Variants in PCDH9 observed in about 807,000 individuals in gnomAD.
The protein encoded by PCDH9 is protocadherin 9, also known as protocadherin-9.
A neutral mutation model predicts 70.6 loss-of-function variants in PCDH9; 24 were observed. The observed-to-expected ratio is 0.34, with a 90% confidence interval of 0.25 to 0.48. PCDH9 has a LOEUF of 0.48. Among genes scored for constraint, PCDH9 ranks in the 20% least tolerant of loss-of-function variants. PCDH9 has a pLI of 0.99. For missense variants in PCDH9, 1,281 were observed against 1,503.6 expected (o/e 0.85, Z 2.45); for synonymous variants, 562 against 558.5 (o/e 1.01, Z -0.09).
At chr13:66,496,181 T>C (rs1038865311) in intron 4 of PCDH9, among the ~76,000 whole-genome samples, 1 of 152,218 alleles carries the variant, frequency 6.6e-6, no homozygotes, top group African/African-American at 2.4e-5. Context: ...ATATAACTCT[T>C]CTTCTCCTAC....
intron 2 of PCDH9, among the ~76,000 whole-genome samples, chr13:66,949,201 T>A (rs1270301581): frequency 3.9e-5 from 6 of 152,114 alleles, no homozygotes; most frequent in Non-Finnish European, 8.8e-5. Context: ...GTATTTCCCT[T>A]TTAGGTGTGC....
intron 3 of PCDH9, among the ~76,000 whole-genome samples, chr13:66,665,350 G>A (rs564201867): frequency 2.0e-4 from 31 of 152,002 alleles, no homozygotes; most frequent in Admixed American, 4.6e-4. Flanking sequence ...CCACCGCCTC[G>A]GCCTCCCAAA....
intron 3 of PCDH9, among the ~76,000 whole-genome samples, chr13:66,804,639 G>C (rs2080383397): frequency 6.6e-6 from 1 of 152,148 alleles, no homozygotes. Context: ...TTAACTAATT[G>C]GAATTAGTCC....
At chr13:66,474,071 C>G (rs923900559) in intron 4 of PCDH9, among the ~76,000 whole-genome samples, 1 of 152,150 alleles carries the variant, frequency 6.6e-6, no homozygotes, top group Non-Finnish European at 1.5e-5. Context: ...GAAATTGACT[C>G]TGACAACAAA....
At chr13:66,637,832 T>G (rs1860111092) in intron 3 of PCDH9, among the ~76,000 whole-genome samples, 1 of 151,208 alleles carries the variant, frequency 6.6e-6, no homozygotes, top group Admixed American at 6.6e-5. Flanking sequence ...GAGAATGGCG[T>G]GAACCTGGGA....
intron 3 of PCDH9, among the ~76,000 whole-genome samples, chr13:66,644,066 T>C (rs1243130821): frequency 6.6e-6 from 1 of 151,956 alleles, no homozygotes; most frequent in East Asian, 1.9e-4. Context: ...ATCAGAAACA[T>C]ATTATTGTAT....
At chr13:66,328,507 G>T (rs1955884441) in intron 4 of PCDH9, among the ~76,000 whole-genome samples, 1 of 152,068 alleles carries the variant, frequency 6.6e-6, no homozygotes, top group African/African-American at 2.4e-5. Context: ...TTACAAGGTG[G>T]TATTATGATC....
intron 4 of PCDH9, among the ~76,000 whole-genome samples, chr13:66,366,678 C>T (rs1443000421): frequency 3.9e-5 from 6 of 152,026 alleles, no homozygotes; most frequent in Non-Finnish European, 8.8e-5. Flanking sequence ...AATAATTTCT[C>T]AGAGAGCATT....
At chr13:66,461,613 T>C (rs1314417860) in intron 4 of PCDH9, among the ~76,000 whole-genome samples, 2 of 151,626 alleles carry the variant, frequency 1.3e-5, no homozygotes, top group African/African-American at 2.4e-5. Flanking sequence ...GGAGATACCA[T>C]GACATTAAAG....
At chr13:66,394,105 A>G (rs1957065018) in intron 4 of PCDH9, among the ~76,000 whole-genome samples, 2 of 152,200 alleles carry the variant, frequency 1.3e-5, no homozygotes, top group African/African-American at 2.4e-5. Context: ...CAGGGGGTCC[A>G]GTTAGAACAC....
chr13:66,873,137 A>T (rs2139513757), intron 3 of PCDH9, among the ~76,000 whole-genome samples: 1 of 152,260 alleles, frequency 6.6e-6, no homozygotes, highest in East Asian at 1.9e-4. Context: ...GTTAAGCAAA[A>T]AAGTAAAGTC....
At position 66,804,199 on chromosome 13, in the gene PCDH9, A is replaced by G. The variant is rs370279396; in HGVS notation, c.3138+99305T>C. On this transcript the variant is annotated intron_variant, in intron 3 of 4. Transcript: ENST00000377865. The stretch of plus-strand genomic sequence containing the variant: ...CCCTAGCAGGATGTCACAGTTTACT[A>G]CATTGTGTTTTGGACAAACACTCTC... Among the ~76,000 whole-genome samples, 8 of 152,356 alleles carry G rather than the reference A, an allele frequency of 5.3e-5. 1 individual carries two copies. The highest frequency in any genetic ancestry group is 1.9e-4 in the African/African-American group (8 of 41,596).
At chr13:66,913,717 T>C (rs1350500502) in intron 2 of PCDH9, among the ~76,000 whole-genome samples, 1 of 152,070 alleles carries the variant, frequency 6.6e-6, no homozygotes, top group Non-Finnish European at 1.5e-5. Flanking sequence ...TAGACTTCTA[T>C]AAAATGATGT....
In PCDH9 at chr13:66,842,407, C is replaced by G. The variant is rs570461692; in HGVS notation, c.3138+61097G>C. ...ACTCCTGAAAGCTATCTGCATTGAACAGAAAAGTGTAATTCTTGGCCCCTC... is the reference window on the plus strand; with the variant it reads ...ACTCCTGAAAGCTATCTGCATTGAAGAGAAAAGTGTAATTCTTGGCCCCTC... On this transcript the variant is annotated intron_variant, in intron 3 of 4. Transcript: ENST00000377865. Among the ~76,000 whole-genome samples the G allele has an allele frequency of 5.3e-5, 8 of 152,238 alleles. No individual in the cohort carries two copies. In the East Asian group the frequency reaches 1.2e-3, roughly 22 times the overall value.
intron 4 of PCDH9, among the ~76,000 whole-genome samples, chr13:66,417,289 G>A (rs1957478165): frequency 6.6e-6 from 1 of 152,054 alleles, no homozygotes; most frequent in African/African-American, 2.4e-5. Context: ...TTGGTTTTCT[G>A]TTCCTGTCTT....
rs368141402 is a variant in PCDH9, at chr13:66,682,454, T to C, written c.3139-51043A>G. Among the ~76,000 whole-genome samples the C allele has an allele frequency of 1.6e-4, 24 of 152,180 alleles. No individual in the cohort carries two copies. In the East Asian group the frequency reaches 1.7e-3, roughly 11 times the overall value. ...GAGAAGGAAGAGAGAGAGTGCCTAA[T>C]TGAGTACTCTTTTATGTATTGTTTC... On this transcript the variant is annotated intron_variant, in intron 3 of 4. Transcript: ENST00000377865.
chr13:66,392,436 C>T (rs1957033701), intron 4 of PCDH9, among the ~76,000 whole-genome samples: 1 of 151,998 alleles, frequency 6.6e-6, no homozygotes, highest in Non-Finnish European at 1.5e-5. Flanking sequence ...AATAACAAAT[C>T]CAAAATTCAT....
chr13:67,112,433 C>T (rs1044263969), intron 2 of PCDH9, among the ~76,000 whole-genome samples: 1 of 152,112 alleles, frequency 6.6e-6, no homozygotes, highest in Non-Finnish European at 1.5e-5. Flanking sequence ...TCCACTATAA[C>T]TCTCCATGTA....
Position 66,723,098 on chromosome 13 carries a change from AT to A in PCDH9, c.3139-91688del, listed in dbSNP as rs574777957. Among the ~76,000 whole-genome samples the A allele has an allele frequency of 3.7e-4, 56 of 150,520 alleles. 2 individuals carry two copies. The South Asian group carries it at 5.7e-3, about 15-fold the overall frequency. On this transcript the variant is annotated intron_variant, in intron 3 of 4. Coordinates refer to ENST00000377865, the MANE Select transcript of PCDH9 (RefSeq NM_203487.3). ...CTCATAATATAATAAATCCTCCCACATTTTTTTTTGGCTTGAGTAAGTTAGC... is the reference window on the plus strand; with the variant it reads ...CTCATAATATAATAAATCCTCCCACATTTTTTTTGGCTTGAGTAAGTTAGC...
Sources: gnomAD v4.1 joint callset for allele counts (sites outside exome capture counted in the v4.1 genomes callset) on GRCh38, gnomAD v4.1.1 for gene constraint, MANE v1.5 for transcripts, NCBI Gene and HGNC (gene_info 2026-07-23, HGNC 2026-07-21) for gene names.